Variants in CTNNA3 observed in about 807,000 individuals in gnomAD.
The protein encoded by CTNNA3 is catenin alpha 3.
CTNNA3 carries 76 observed loss-of-function variants against 95.7 expected under a neutral mutation model. The ratio of observed to expected loss-of-function variants is 0.79; its 90% CI spans 0.66 to 0.96. The LOEUF (loss-of-function observed/expected upper bound fraction) is 0.96. Ranked by LOEUF, CTNNA3 falls within the 40% of genes least tolerant of loss-of-function variation. The pLI, the probability that CTNNA3 is intolerant of heterozygous loss-of-function variation, is 0.00. For missense variants in CTNNA3, 1,191 were observed against 1,089.8 expected, an observed-to-expected ratio of 1.09 and a Z score of -1.31; for synonymous variants, 431 against 374.4, an observed-to-expected ratio of 1.15 and a Z score of -1.74.
At chr10:67,032,784 G>C (rs1013278715) in intron 7 of CTNNA3, among the ~76,000 whole-genome samples, 1 of 152,068 alleles carries the variant, frequency 6.6e-6, no homozygotes, top group African/African-American at 2.4e-5. Context: ...CTTTTTTTAT[G>C]TGTTCTCAGT....
chr10:67,595,706 T>C (rs1200660652), intron 3 of CTNNA3, among the ~76,000 whole-genome samples: 1 of 152,208 alleles, frequency 6.6e-6, no homozygotes, highest in African/African-American at 2.4e-5. Context: ...GCCTCCATGG[T>C]CTGTCTAATT....
intron 10 of CTNNA3, among the ~76,000 whole-genome samples, chr10:66,618,932 T>C (rs1208665082): frequency 6.6e-6 from 1 of 152,160 alleles, no homozygotes; most frequent in African/African-American, 2.4e-5. Context: ...AAAGAAGACA[T>C]TTATGCAGCC....
At chr10:67,551,247 C>G (rs1841020173) in intron 3 of CTNNA3, among the ~76,000 whole-genome samples, 1 of 152,044 alleles carries the variant, frequency 6.6e-6, no homozygotes, top group African/African-American at 2.4e-5. Flanking sequence ...AGGAGGAGAT[C>G]GGTGGAAGAA....
intron 12 of CTNNA3, among the ~76,000 whole-genome samples, chr10:66,315,506 TTG>T (rs58802869): frequency 0.13 from 19,200 of 149,446 alleles, 1,350 homozygotes; most frequent in East Asian, 0.22. Context: ...CTGACTTCTC[TTG>T]TGTGTGTGTG....
intron 15 of CTNNA3, among the ~76,000 whole-genome samples, chr10:66,001,428 T>C (rs1347163284): frequency 2.0e-5 from 3 of 152,188 alleles, no homozygotes; most frequent in African/African-American, 7.2e-5. Context: ...TCATTTTATT[T>C]CTAACATTCA....
At chr10:66,882,265 G>C (rs1444058951) in intron 7 of CTNNA3, among the ~76,000 whole-genome samples, 1 of 152,062 alleles carries the variant, frequency 6.6e-6, no homozygotes, top group Non-Finnish European at 1.5e-5. Context: ...TGTGGTCATG[G>C]AAACTATTTG....
At chr10:67,628,689 T>C (rs1839038784) in intron 2 of CTNNA3, among the ~76,000 whole-genome samples, 1 of 152,158 alleles carries the variant, frequency 6.6e-6, no homozygotes, top group African/African-American at 2.4e-5. Context: ...CAAAACTGTA[T>C]GAGATTTCTT....
chr10:66,914,599 C>T (rs1430021218), intron 7 of CTNNA3, among the ~76,000 whole-genome samples: 1 of 149,822 alleles, frequency 6.7e-6, no homozygotes, highest in Non-Finnish European at 1.5e-5. Context: ...ATGGCACATC[C>T]ATGAGAGTAA....
In CTNNA3 at chr10:67,194,459, T is replaced by A. The variant is rs148375477; in HGVS notation, c.844-13939A>T. Among the ~76,000 whole-genome samples, 12 of 152,034 alleles carry A rather than the reference T, an allele frequency of 7.9e-5. No homozygotes were observed. In the East Asian group the frequency reaches 1.5e-3, roughly 20 times the overall value. On this transcript the variant is annotated intron_variant, in intron 6 of 17. Transcript: ENST00000433211. ...TATTACTACATGAAAGAATCCAATA[T>A]GAAAATGCTGCATCCTATGTAATTC...
At chr10:67,116,040 C>CT (rs545306502) in intron 7 of CTNNA3, among the ~76,000 whole-genome samples, 417 of 151,884 alleles carry the variant, frequency 2.7e-3, no homozygotes, top group Non-Finnish European at 4.0e-3. Flanking sequence ...TTTTCTCTAG[C>CT]TTGCTAAAGA....
At chr10:65,969,129 C>T (rs1179337946) in intron 16 of CTNNA3, among the ~76,000 whole-genome samples, 3 of 152,100 alleles carry the variant, frequency 2.0e-5, no homozygotes, top group African/African-American at 7.2e-5. Context: ...AATATGAAAC[C>T]TGCTGACAGA....
intron 5 of CTNNA3, among the ~76,000 whole-genome samples, chr10:67,394,789 T>G (rs934068493): frequency 6.6e-6 from 1 of 151,634 alleles, no homozygotes; most frequent in East Asian, 1.9e-4. Flanking sequence ...TTTGTGGCAT[T>G]TTTTTTTATT....
intron 5 of CTNNA3, among the ~76,000 whole-genome samples, chr10:67,259,153 A>G (rs1329112069): frequency 6.6e-6 from 1 of 152,214 alleles, no homozygotes; most frequent in East Asian, 1.9e-4. Flanking sequence ...TCTCCAAAAC[A>G]TAATCTTAAA....
chr10:66,101,464 A>G (rs139041696), intron 14 of CTNNA3, among the ~76,000 whole-genome samples: 2,723 of 152,220 alleles, frequency 0.018, 28 homozygotes, highest in Non-Finnish European at 0.026. Flanking sequence ...CACAGGTTTT[A>G]TTTTCTTGGC....
At chr10:67,189,143 A>G (rs1564957106) in intron 6 of CTNNA3, among the ~76,000 whole-genome samples, 1 of 76,102 alleles carries the variant, frequency 1.3e-5, no homozygotes, top group Admixed American at 1.1e-4. Flanking sequence ...CAACAACAAC[A>G]AAAAAAAAAA....
chr10:66,722,238 C>T (rs975661848), intron 9 of CTNNA3, among the ~76,000 whole-genome samples: 2 of 151,760 alleles, frequency 1.3e-5, no homozygotes, highest in Non-Finnish European at 2.9e-5. Context: ...ATTAGCCGGG[C>T]GTGGTGGCAG....
rs557556477 is a variant in CTNNA3, at chr10:66,543,861, A to G, written c.1375-23088T>C. On this transcript the variant is annotated intron_variant, in intron 10 of 17. Transcript: ENST00000433211. ...ATAGGTGAATGTATTAAAATTGCTA[A>G]ATTTTGCTTTTTCTGAATTTAGCTA... Among the ~76,000 whole-genome samples, 43 of 141,988 alleles carry G rather than the reference A, an allele frequency of 3.0e-4. No individual in the cohort carries two copies. In the South Asian group the frequency reaches 9.4e-3, roughly 31 times the overall value. 93.1% of individuals were successfully genotyped at this position (141,988 alleles called of 152,430 possible). A position where few individuals can be genotyped will look rare whatever the true frequency, so the allele number is the denominator to read the frequency against.
At chr10:66,192,381 C>T (rs1156254303) in intron 13 of CTNNA3, among the ~76,000 whole-genome samples, 1 of 152,072 alleles carries the variant, frequency 6.6e-6, no homozygotes, top group Non-Finnish European at 1.5e-5. Context: ...TATTTGAGTG[C>T]TACAGAATAA....
At chr10:67,477,083 T>G (rs1460471684) in intron 5 of CTNNA3, among the ~76,000 whole-genome samples, 6 of 152,072 alleles carry the variant, frequency 3.9e-5, no homozygotes, top group Non-Finnish European at 7.4e-5. Context: ...GTGCAGAGAC[T>G]GTGTGGTGCA....
Sources: allele counts gnomAD v4.1 joint callset (sites outside exome capture counted in the v4.1 genomes callset), GRCh38; gene constraint gnomAD v4.1.1; transcripts MANE v1.5; gene names NCBI Gene and HGNC (gene_info 2026-07-23, HGNC 2026-07-21).